ATP8A2: variants seen among roughly 807,000 people sequenced by gnomAD.
ATP8A2 encodes ATPase phospholipid transporting 8A2.
ATP8A2 carries 100 observed loss-of-function variants against 165.6 expected under a neutral mutation model. That is an observed-to-expected ratio of 0.60 (90% CI 0.51 to 0.71). The LOEUF (loss-of-function observed/expected upper bound fraction) is 0.71, where lower values mean the gene tolerates loss of function less well. Among genes scored for constraint, ATP8A2 ranks in the 30% least tolerant of loss-of-function variants. The pLI, the probability that ATP8A2 is intolerant of heterozygous loss-of-function variation, is 0.00. For synonymous variants in ATP8A2, 543 were observed against 548.8 expected (o/e 0.99, Z 0.15); for missense variants, 1,227 against 1,479.5 (o/e 0.83, Z 2.80).
At chr13:25,976,937 G>A (rs1247412026) in intron 35 of ATP8A2, among the ~76,000 whole-genome samples, 7 of 151,902 alleles carry the variant, frequency 4.6e-5, no homozygotes, top group African/African-American at 7.3e-5. Flanking sequence ...ACAGGCACCC[G>A]CCACCATGCC....
chr13:25,778,104 G>A (rs568499399), intron 27 of ATP8A2, among the ~76,000 whole-genome samples: 2 of 152,190 alleles, frequency 1.3e-5, no homozygotes, highest in South Asian at 4.1e-4. Context: ...TTCACAGGGG[G>A]GTTTCCTGCA....
chr13:25,486,274 A>G (rs2036349608), intron 2 of ATP8A2, among the ~76,000 whole-genome samples: 1 of 152,252 alleles, frequency 6.6e-6, no homozygotes, highest in Non-Finnish European at 1.5e-5. Context: ...TGTTTGCCAT[A>G]GAGTTAAATA....
Position 25,968,651 on chromosome 13 carries a change from G to T in ATP8A2, c.3349G>T (p.Ala1117Ser). The T allele has an allele frequency of 6.2e-7, 1 of 1,613,708 alleles. No homozygotes were observed. The highest frequency in any genetic ancestry group is 8.5e-7 in the Non-Finnish European group (1 of 1,179,942). Residue 1117 changes from alanine (A) to serine (S), a missense_variant, in exon 35 of 37, where the codon GCG becomes TCG. Coordinates refer to ENST00000381655, the MANE Select transcript of ATP8A2 (RefSeq NM_016529.6). ...AACCAAGTCTCGAGTCCTGGGAAAA[G>T]CGGTGCTGCGGGATAGCAATGGAAA... is the stretch of plus-strand genomic sequence containing the variant. ...LETKSRVLGK[A>S]VLRDSNGKRL...
chr13:25,666,667 T>C (rs2137724150), intron 24 of ATP8A2, among the ~76,000 whole-genome samples: 1 of 152,302 alleles, frequency 6.6e-6, no homozygotes, highest in Non-Finnish European at 1.5e-5. Flanking sequence ...TTTTTCCTTT[T>C]TTTTGTTACA....
intron 35 of ATP8A2, among the ~76,000 whole-genome samples, chr13:25,982,909 A>G (rs954494842): frequency 1.3e-5 from 2 of 152,180 alleles, no homozygotes; most frequent in Non-Finnish European, 2.9e-5. Context: ...TTTGTTCCAT[A>G]TAGGATGTCT....
At chr13:25,545,617 C>G (rs1303754066) in intron 10 of ATP8A2, among the ~76,000 whole-genome samples, 3 of 152,112 alleles carry the variant, frequency 2.0e-5, no homozygotes, top group Non-Finnish European at 4.4e-5. Context: ...AACCACAAAT[C>G]ACTACTTCTG....
chr13:25,886,652 G>T (rs994219541), intron 33 of ATP8A2, among the ~76,000 whole-genome samples: 2 of 152,218 alleles, frequency 1.3e-5, no homozygotes, highest in African/African-American at 4.8e-5. Flanking sequence ...CATCTCCCAG[G>T]CCCACTCCAT....
chr13:25,644,611 G>A (rs758079038), intron 24 of ATP8A2, among the ~76,000 whole-genome samples: 5 of 151,438 alleles, frequency 3.3e-5, no homozygotes, highest in South Asian at 2.1e-4. Flanking sequence ...TTTTGAAGGC[G>A]TGTCTAAAAA....
Position 26,021,115 on chromosome 13 carries a change from C to T in ATP8A2, c.*1130C>T, listed in dbSNP as rs1957076163. The T allele has an allele frequency of 6.6e-6, 1 of 152,222 alleles. No individual in the cohort carries two copies. The allele number at this position is 152,222 out of a possible 1,614,324, so 9.4% of individuals were successfully genotyped here. On this transcript the variant is annotated 3_prime_UTR_variant, in exon 37 of 37. Coordinates refer to ENST00000381655, the MANE Select transcript of ATP8A2 (RefSeq NM_016529.6). The stretch of plus-strand genomic sequence containing the variant: ...GAAGGAACACACCTGTCGCTCTTAG[C>T]TCTAGAGTCAGAGGATGAGTAAACC...
intron 25 of ATP8A2, among the ~76,000 whole-genome samples, chr13:25,732,996 C>G (rs2043685309): frequency 6.6e-6 from 1 of 151,876 alleles, no homozygotes; most frequent in African/African-American, 2.4e-5. Flanking sequence ...GTGTAATTTT[C>G]CCACAAGTAA....
intron 33 of ATP8A2, among the ~76,000 whole-genome samples, chr13:25,889,382 CT>C (rs1953281883): frequency 6.6e-6 from 1 of 151,214 alleles, no homozygotes; most frequent in African/African-American, 2.4e-5. Context: ...TTTAAATCAC[CT>C]TCTTTTTTAT....
intron 33 of ATP8A2, among the ~76,000 whole-genome samples, chr13:25,949,545 T>C (rs9319258): frequency 0.053 from 8,024 of 152,190 alleles, 665 homozygotes; most frequent in African/African-American, 0.18. Flanking sequence ...ATTGTTAAAA[T>C]TGCCTATAAG....
At chr13:25,554,934 T>G (rs2038936026) in intron 12 of ATP8A2, 57 bp from the exon 13 acceptor site, 1 of 1,075,564 alleles carries the variant, frequency 9.3e-7, no homozygotes, top group Admixed American at 1.9e-5. Context: ...TTAATCTGAA[T>G]GAAGAATTAA....
rs116575785 is a variant in ATP8A2 at position 25,380,966 on chromosome 13, G to A, written c.76+8678G>A. Among the ~76,000 whole-genome samples the A allele has an allele frequency of 4.8e-3, 735 of 152,066 alleles. 6 individuals carry two copies. The highest frequency in any genetic ancestry group is 0.017 in the African/African-American group (711 of 41,466). On this transcript the variant is annotated intron_variant, in intron 1 of 36. Transcript: ENST00000381655. ...GGTTATTTATCTTCCTCTTGAGTCAGTATCTCCCTCGGGCACACTCTAAGA... is the reference window on the plus strand; with the variant it reads ...GGTTATTTATCTTCCTCTTGAGTCAATATCTCCCTCGGGCACACTCTAAGA...
At chr13:25,554,835 C>G (rs1409939625) in intron 12 of ATP8A2, among the ~76,000 whole-genome samples, 156 bp from the exon 13 acceptor site, 1 of 152,260 alleles carries the variant, frequency 6.6e-6, no homozygotes, top group South Asian at 2.1e-4. Flanking sequence ...GGTGGGATTA[C>G]AGGCATGAGC....
chr13:25,769,642 CAAA>C (rs2044575075), intron 26 of ATP8A2, among the ~76,000 whole-genome samples: 2 of 152,010 alleles, frequency 1.3e-5, no homozygotes, highest in Non-Finnish European at 2.9e-5. Flanking sequence ...TCACTCCTCC[CAAA>C]GGTGTTGGGA....
At chr13:25,990,754 A>G (rs1177972889) in intron 35 of ATP8A2, among the ~76,000 whole-genome samples, 2 of 152,182 alleles carry the variant, frequency 1.3e-5, no homozygotes, top group Non-Finnish European at 2.9e-5. Context: ...CTTCACTGCT[A>G]TAGTATGTTT....
chr13:25,531,289 G>GGT, intron 4 of ATP8A2, among the ~76,000 whole-genome samples: 1 of 62,552 alleles, frequency 1.6e-5, no homozygotes, highest in African/African-American at 5.8e-5. Flanking sequence ...TGTTATATAT[G>GGT]ATATATATGT....
chr13:25,393,908 A>G (rs2033333614), intron 1 of ATP8A2, among the ~76,000 whole-genome samples: 1 of 152,194 alleles, frequency 6.6e-6, no homozygotes, highest in Non-Finnish European at 1.5e-5. Flanking sequence ...TGAATCTTGA[A>G]CATTGATCAT....
Sources: gnomAD v4.1 joint callset for allele counts (sites outside exome capture counted in the v4.1 genomes callset) on GRCh38, gnomAD v4.1.1 for gene constraint, MANE v1.5 for transcripts, NCBI Gene and HGNC (gene_info 2026-07-23, HGNC 2026-07-21) for gene names.